Variants in SLC51A observed in about 807,000 individuals in gnomAD.
The protein encoded by SLC51A is solute carrier family 51 member A.
A neutral mutation model predicts 34.8 loss-of-function variants in SLC51A; 22 were observed. The ratio of observed to expected loss-of-function variants is 0.63; its 90% CI spans 0.45 to 0.90. SLC51A has a LOEUF of 0.90. Ranked by LOEUF, SLC51A falls within the 40% of genes least tolerant of loss-of-function variation. SLC51A has a pLI of 0.00. For missense variants in SLC51A, 371 were observed against 414.8 expected (o/e 0.89, Z 0.92); for synonymous variants, 181 against 176.3 (o/e 1.03, Z -0.21).
chr3:196,229,003 C>A, intron 6 of SLC51A, 83 bp downstream of exon 6: 1 of 1,171,790 alleles, frequency 8.5e-7, no homozygotes, highest in Non-Finnish European at 1.3e-6. Flanking sequence ...AGCCAACACC[C>A]CTTGACAGAG....
rs756296848 is a variant in SLC51A at position 196,233,243 on chromosome 3, T to C, written c.*44T>C. 13 of 1,601,668 alleles carry C rather than the reference T, an allele frequency of 8.1e-6. No individual in the cohort carries two copies. The highest frequency in any genetic ancestry group is 2.2e-5 in the South Asian group (2 of 89,526). ...TGAAAGGATGCTGTACTCATTAGAA[T>C]ACAAGATTCCTTTACTGTCCCTCAA... is the stretch of plus-strand genomic sequence containing the variant. On this transcript the variant is annotated 3_prime_UTR_variant, in exon 9 of 9. Transcript: ENST00000296327.
Position 196,228,403 on chromosome 3 carries a change from C to A in SLC51A, c.521+130C>A. 8.2e-7 allele frequency: 1 copy of A among 1,218,122 alleles called. No individual in the cohort carries two copies. The highest frequency in any genetic ancestry group is 1.1e-6 in the Non-Finnish European group (1 of 898,712). The allele number at this position is 1,218,122 out of a possible 1,614,324, so 75.5% of individuals were successfully genotyped here. A position where few individuals can be genotyped will look rare whatever the true frequency, so the allele number is the denominator to read the frequency against. On this transcript the variant is annotated intron_variant, in intron 5 of 8. Coordinates refer to ENST00000296327, the MANE Select transcript of SLC51A (RefSeq NM_152672.6). This position sits in a 1 kb window ranked among gnomAD's most constrained non-coding sequence, Gnocchi z 4.9. ...TGACGGAAGGGTGGGCATCCCACGG[C>A]CAGGACCCACGGGCGCCACCCTCAG... is the stretch of plus-strand genomic sequence containing the variant.
intron 8 of SLC51A, 58 bp from the exon 9 acceptor site, chr3:196,233,005 T>C: frequency 6.4e-7 from 1 of 1,573,450 alleles, no homozygotes; most frequent in South Asian, 1.1e-5. Context: ...GGGCTGCTAG[T>C]AAAATACCAC....
At chr3:196,227,286 T>C in intron 3 of SLC51A, 167 bp downstream of exon 3, 1 of 682,466 alleles carries the variant, frequency 1.5e-6, no homozygotes, top group Non-Finnish European at 2.5e-6. Flanking sequence ...GATCCTCTGC[T>C]TGGAAGGCTG....
intron 2 of SLC51A, among the ~76,000 whole-genome samples, chr3:196,222,389 C>T (rs1723781594): frequency 6.6e-6 from 1 of 151,982 alleles, no homozygotes; most frequent in Non-Finnish European, 1.5e-5. Flanking sequence ...AATCCCAGCA[C>T]TTTGGGAGGC....
chr3:196,231,010 C>A (rs1452693539), intron 7 of SLC51A, among the ~76,000 whole-genome samples: 2 of 152,186 alleles, frequency 1.3e-5, no homozygotes, highest in Non-Finnish European at 2.9e-5. Flanking sequence ...CTTTCCTTTT[C>A]TACCTATGAC....
In SLC51A at chr3:196,228,865, C is replaced by T. The variant is rs1307164129; in HGVS notation, c.578C>T (p.Thr193Met). ...TTCCAATACGCCTTCTTGAAGATAACGCTGACCCTGGTGGGCCTGTTTCTC... is the reference window on the plus strand; with the variant it reads ...TTCCAATACGCCTTCTTGAAGATAATGCTGACCCTGGTGGGCCTGTTTCTC... ...GPFQYAFLKITLTLVGLFLVP... is the reference protein window; with the variant it reads ...GPFQYAFLKIMLTLVGLFLVP... The change falls in exon 6 of 9, where the codon ACG (threonine) becomes ATG (methionine). Residue 193 changes from threonine (T) to methionine (M), a missense_variant. Coordinates refer to ENST00000296327, the MANE Select transcript of SLC51A (RefSeq NM_152672.6). This position sits in a 1 kb window ranked among gnomAD's most constrained non-coding sequence, Gnocchi z 4.9. 3.1e-6 allele frequency: 5 copies of T among 1,614,072 alleles called. No individual in the cohort carries two copies. Among genetic ancestry groups the T allele is most frequent in the African/African-American group, 2.7e-5 (2 of 74,936 alleles).
At chr3:196,226,788 AAGAAAAAG>A in intron 2 of SLC51A, among the ~76,000 whole-genome samples, 169 bp from the exon 3 acceptor site, 7 of 120,014 alleles carry the variant, frequency 5.8e-5, no homozygotes, top group South Asian at 3.0e-4. Context: ...AAAAAAAAAA[AAGAAAAAG>A]AAAAAAAAAA....
rs773641563 is a variant in SLC51A, at chr3:196,230,028, G to T, written c.747G>T (p.Glu249Asp). 8 of 1,613,696 alleles carry T rather than the reference G, an allele frequency of 5.0e-6. No homozygotes were observed. In the South Asian group the frequency reaches 8.8e-5, roughly 18 times the overall value. The change falls in exon 7 of 9, where the codon GAG becomes GAT. Residue 249 changes from glutamate to aspartate, a missense_variant. Physicochemically the swap from Glu to Asp is conservative, Grantham distance 45. Transcript: ENST00000296327. ...ISRQARLHLGEQNMGAKFALF... is the reference protein window; with the variant it reads ...ISRQARLHLGDQNMGAKFALF... ...GTCAAGCCAGGCTACACCTGGGTGA[G>T]CAGAACATGGGAGCCAAATTTGCTC... is the stretch of plus-strand genomic sequence containing the variant.
chr3:196,227,864 C>T, intron 4 of SLC51A, 127 bp downstream of exon 4: 1 of 1,005,304 alleles, frequency 9.9e-7, no homozygotes, highest in African/African-American at 1.6e-5. Flanking sequence ...GTTCCGGGCT[C>T]TTGCGCTCCT....
intron 1 of SLC51A, among the ~76,000 whole-genome samples, chr3:196,217,580 G>A (rs910454233): frequency 6.0e-5 from 9 of 148,964 alleles, no homozygotes; most frequent in South Asian, 4.3e-4. Context: ...AGGAAGGAAG[G>A]AAGGAAAGAG....
In SLC51A at chr3:196,228,845, A is replaced by G. The variant is rs1020707809; in HGVS notation, c.558A>G (p.Gln186=). 1 of 1,613,988 alleles carries G rather than the reference A, an allele frequency of 6.2e-7. No homozygotes were observed. Among genetic ancestry groups the G allele is most frequent in the Non-Finnish European group, 8.5e-7 (1 of 1,180,030 alleles). ...KLQLLMLGPF[Q]YAFLKITLTL... ...AGCTGCTGATGTTGGGCCCTTTCCAATACGCCTTCTTGAAGATAACGCTGA... is the reference window on the plus strand; with the variant it reads ...AGCTGCTGATGTTGGGCCCTTTCCAGTACGCCTTCTTGAAGATAACGCTGA... Residue 186 remains glutamine (Q), a synonymous_variant, in exon 6 of 9, where the codon CAA becomes CAG. Coordinates refer to ENST00000296327, the MANE Select transcript of SLC51A (RefSeq NM_152672.6). This position sits in a 1 kb window ranked among gnomAD's most constrained non-coding sequence, Gnocchi z 4.9.
intron 1 of SLC51A, 51 bp from the exon 2 acceptor site, chr3:196,217,791 C>T (rs749544404): frequency 9.7e-6 from 15 of 1,542,720 alleles, no homozygotes; most frequent in Non-Finnish European, 1.3e-5. Context: ...GTGCAACCCT[C>T]CCCCTTCCCC....
intron 1 of SLC51A, among the ~76,000 whole-genome samples, chr3:196,217,114 C>T (rs566636032): frequency 2.0e-5 from 3 of 152,364 alleles, no homozygotes; most frequent in African/African-American, 7.2e-5. Flanking sequence ...GGCTGCTGCC[C>T]GACCCGCATG....
intron 6 of SLC51A, 184 bp from the exon 7 acceptor site, chr3:196,229,731 G>A: frequency 7.8e-6 from 4 of 510,836 alleles, no homozygotes; most frequent in Non-Finnish European, 6.4e-6. Flanking sequence ...GTGTGCACCT[G>A]TAGTCCCAGC....
At chr3:196,231,870 T>C (rs115139744) in intron 7 of SLC51A, among the ~76,000 whole-genome samples, 1 of 151,874 alleles carries the variant, frequency 6.6e-6, no homozygotes, top group East Asian at 2.0e-4. Context: ...AAATTTGCCA[T>C]TAATGATTTT....
chr3:196,225,435 CCCTCATGTTCCTTAGTCACCAAAA>C (rs1644800792), intron 2 of SLC51A, among the ~76,000 whole-genome samples: 1 of 152,132 alleles, frequency 6.6e-6, no homozygotes. Context: ...CACTGAGCTG[CCCTCATGTTCCTTAGTCACCAAAA>C]CACAGAGCAG....
chr3:196,228,042 T>TA lies in SLC51A; in HGVS notation c.363-71dup. The TA allele has an allele frequency of 6.4e-7, 1 of 1,560,076 alleles. No homozygotes were observed. Among genetic ancestry groups the TA allele is most frequent in the Non-Finnish European group, 8.7e-7 (1 of 1,149,244 alleles). On this transcript the variant is annotated intron_variant, in intron 4 of 8. Coordinates refer to ENST00000296327, the MANE Select transcript of SLC51A (RefSeq NM_152672.6). This position sits in a 1 kb window ranked among gnomAD's most constrained non-coding sequence, Gnocchi z 4.9. ...GCCCAGCCCTAGCTCTGCTCCTCAG[T>TA]AAGCCCCACCTCTCCCTGCTGTCTT...
chr3:196,232,808 C>G lies in SLC51A; in HGVS notation c.887-255C>G, dbSNP rs1016433997. The G allele has an allele frequency of 5.1e-6, 3 of 582,616 alleles. No homozygotes were observed. In the African/African-American group the frequency reaches 5.6e-5, roughly 11 times the overall value. The allele number at this position is 582,616 out of a possible 1,614,324, so 36.1% of individuals were successfully genotyped here. A position where few individuals can be genotyped will look rare whatever the true frequency, so the allele number is the denominator to read the frequency against. ...GAGAGGAATGGGAATGGTTAAAAAA[C>G]AGAAGCCCATGTTGATTGAACACAC... On this transcript the variant is annotated intron_variant, in intron 8 of 8. Coordinates refer to ENST00000296327, the MANE Select transcript of SLC51A (RefSeq NM_152672.6).
Sources: gnomAD v4.1 joint callset for allele counts (sites outside exome capture counted in the v4.1 genomes callset) on GRCh38, gnomAD v4.1.1 for gene constraint, Gnocchi (gnomAD v3.1) non-coding constraint, MANE v1.5 for transcripts, NCBI Gene and HGNC (gene_info 2026-07-23, HGNC 2026-07-21) for gene names.